CEACAM8: variants seen among roughly 807,000 people sequenced by gnomAD.
CEACAM8 encodes the protein CEA cell adhesion molecule 8.
Under a neutral mutation model 33.4 loss-of-function variants are expected in CEACAM8, and 31 were observed. That is an observed-to-expected ratio of 0.93 (90% CI 0.70 to 1.25). CEACAM8 has a LOEUF of 1.25. Among genes scored for constraint, CEACAM8 ranks in the 50% most tolerant of loss-of-function variants. The pLI is 0.00. For synonymous variants in CEACAM8, 138 were observed against 164.5 expected (o/e 0.84, Z 1.23); for missense variants, 388 against 434.6 (o/e 0.89, Z 0.95).
chr19:42,584,447 G>A (rs903257683), intron 4 of CEACAM8, among the ~76,000 whole-genome samples: 1 of 152,206 alleles, frequency 6.6e-6, no homozygotes, highest in Non-Finnish European at 1.5e-5. Flanking sequence ...GAGGCTTAGA[G>A]TGGTGAAAAA....
intron 4 of CEACAM8, among the ~76,000 whole-genome samples, chr19:42,586,110 A>G (rs1418211302): frequency 6.6e-6 from 1 of 152,210 alleles, no homozygotes; most frequent in Non-Finnish European, 1.5e-5. Flanking sequence ...AAAAATGGGA[A>G]GACATTTTGT....
chr19:42,594,023 C>A, intron 1 of CEACAM8, 123 bp from the exon 2 acceptor site: 1 of 1,022,978 alleles, frequency 9.8e-7, no homozygotes, highest in South Asian at 1.6e-5. Context: ...CCTACTGAGT[C>A]AATGTCAGCA....
At position 42,580,736 on chromosome 19, in the gene CEACAM8, TAAAG is replaced by T. The variant is rs1249292269; in HGVS notation, c.*654_*657del. 6.6e-6 allele frequency: 1 copy of T among 152,156 alleles called. No individual in the cohort carries two copies. The highest frequency in any genetic ancestry group is 1.5e-5 in the Non-Finnish European group (1 of 68,010). The allele number at this position is 152,156 out of a possible 1,614,324, so 9.4% of individuals were successfully genotyped here. A position where few individuals can be genotyped will look rare whatever the true frequency, so the allele number is the denominator to read the frequency against. On this transcript the variant is annotated 3_prime_UTR_variant, in exon 6 of 6. Coordinates refer to ENST00000244336, the MANE Select transcript of CEACAM8 (RefSeq NM_001816.4). The stretch of plus-strand genomic sequence containing the variant: ...AGTAAGGTATAGATAGCTTAAAAGA[TAAAG>T]AAATTCATAAATCTGAAAAAGAAAA...
intron 1 of CEACAM8, among the ~76,000 whole-genome samples, chr19:42,594,425 G>A (rs1600308394): frequency 6.6e-6 from 1 of 152,288 alleles, no homozygotes; most frequent in East Asian, 1.9e-4. Context: ...AGGCTTATTT[G>A]CCAATGTCTG....
At chr19:42,583,441 T>G in intron 4 of CEACAM8, 104 bp from the exon 5 acceptor site, 1 of 733,806 alleles carries the variant, frequency 1.4e-6, no homozygotes, top group Non-Finnish European at 2.4e-6. Context: ...ACTTGTTTTT[T>G]CAAGGAATAC....
rs763749190 is a variant in CEACAM8, at chr19:42,589,618, T to A, written c.542A>T (p.Asn181Ile). The change falls in exon 3 of 6, where the codon AAT becomes ATT. Residue 181 changes from asparagine (N) to isoleucine (I), a missense_variant. By Grantham distance (149) the Asn-to-Ile change is moderately radical (BLOSUM62 -3). Transcript: ENST00000244336. ...GGGACTGACCGGGAGACTCTGACCA[T>A]TTACCCACCACAGGTAGGTTGTGTT... ...TQNTTYLWWV[N>I]GQSLPVSPRL... The A allele has an allele frequency of 3.8e-5, 62 of 1,614,060 alleles. No individual in the cohort carries two copies. Among genetic ancestry groups the A allele is most frequent in the Non-Finnish European group, 5.2e-5 (61 of 1,180,044 alleles).
rs1836004024 is a variant in CEACAM8, at chr19:42,589,011, G to C, written c.731C>G (p.Pro244Arg). Residue 244 changes from proline (P) to arginine (R), a missense_variant, in exon 4 of 6, where the codon CCT becomes CGT. Pro to Arg is a moderately radical substitution (Grantham distance 103). Transcript: ENST00000244336. ...CCCTGCATGGTAATAGGTGTCTGAA[G>C]GGGAAATGGTGGGGGCATCTGGGCC... is the stretch of plus-strand genomic sequence containing the variant. ...LYGPDAPTIS[P>R]SDTYYHAGVN... 6.2e-7 allele frequency: 1 copy of C among 1,613,770 alleles called. No individual in the cohort carries two copies. The highest frequency in any genetic ancestry group is 1.7e-5 in the Admixed American group (1 of 60,006).
At chr19:42,583,870 G>C (rs1249905954) in intron 4 of CEACAM8, among the ~76,000 whole-genome samples, 1 of 152,178 alleles carries the variant, frequency 6.6e-6, no homozygotes, top group Non-Finnish European at 1.5e-5. Context: ...CGCCCCATCA[G>C]CCTTGCCTAA....
intron 2 of CEACAM8, among the ~76,000 whole-genome samples, chr19:42,592,812 G>T (rs1477922590): frequency 1.3e-5 from 2 of 152,160 alleles, no homozygotes; most frequent in African/African-American, 4.8e-5. Context: ...TGCTGGACAA[G>T]TTGCTGTTAG....
At chr19:42,589,173 C>A in intron 3 of CEACAM8, 135 bp from the exon 4 acceptor site, 1 of 1,126,312 alleles carries the variant, frequency 8.9e-7, no homozygotes, top group Non-Finnish European at 1.3e-6. Flanking sequence ...CAACCAAACC[C>A]CCGCTGTTTC....
At chr19:42,592,868 A>G (rs767985455) in intron 2 of CEACAM8, among the ~76,000 whole-genome samples, 1 of 152,142 alleles carries the variant, frequency 6.6e-6, no homozygotes, top group Non-Finnish European at 1.5e-5. Flanking sequence ...TGAACTTTCT[A>G]TGGAGTCTCC....
intron 2 of CEACAM8, among the ~76,000 whole-genome samples, chr19:42,591,004 A>G (rs2042428537): frequency 6.6e-6 from 1 of 152,230 alleles, no homozygotes; most frequent in African/African-American, 2.4e-5. Context: ...TCCCAAATCC[A>G]AAATGCTCCA....
At chr19:42,587,088 A>G (rs1258326071) in intron 4 of CEACAM8, among the ~76,000 whole-genome samples, 3 of 152,188 alleles carry the variant, frequency 2.0e-5, no homozygotes, top group Non-Finnish European at 2.9e-5. Context: ...ACACACACAC[A>G]AACAACAAGT....
intron 4 of CEACAM8, 62 bp from the exon 5 acceptor site, chr19:42,583,399 C>G (rs1181347288): frequency 9.6e-7 from 1 of 1,041,514 alleles, no homozygotes; most frequent in Admixed American, 1.8e-5. Flanking sequence ...TGGGGTACCC[C>G]AGGAACCAGC....
In CEACAM8 at chr19:42,593,833, A is replaced by G. The variant is rs767168524; in HGVS notation, c.132T>C (p.Asn44=). Reference sequence around the variant, plus strand: ...GAAGAACCTCCTTCCCCTCTGCAGCATTGGATGGCACAGCTTCAATAGTGA... The same window carrying G: ...GAAGAACCTCCTTCCCCTCTGCAGCGTTGGATGGCACAGCTTCAATAGTGA... The part of the protein sequence containing the change: ...AQLTIEAVPS[N]AAEGKEVLLL... The change falls in exon 2 of 6, where the codon AAT becomes AAC. Residue 44 remains asparagine, a synonymous_variant. Transcript: ENST00000244336. The G allele has an allele frequency of 6.2e-7, 1 of 1,613,824 alleles. No homozygotes were observed. Among genetic ancestry groups the G allele is most frequent in the East Asian group, 2.2e-5 (1 of 44,870 alleles).
At chr19:42,584,443 T>C (rs1374994145) in intron 4 of CEACAM8, among the ~76,000 whole-genome samples, 1 of 152,196 alleles carries the variant, frequency 6.6e-6, no homozygotes, top group Non-Finnish European at 1.5e-5. Flanking sequence ...GACAGAGGCT[T>C]AGAGTGGTGA....
chr19:42,589,165 A>G (rs1413101257), intron 3 of CEACAM8, 127 bp from the exon 4 acceptor site: 3 of 1,183,434 alleles, frequency 2.5e-6, no homozygotes, highest in Admixed American at 2.3e-5. Context: ...ACCAACCCCA[A>G]CCAAACCCCC....
chr19:42,584,203 T>TACACAC lies in CEACAM8; in HGVS notation c.959-872_959-867dup, dbSNP rs568291319. On this transcript the variant is annotated intron_variant, in intron 4 of 5. Coordinates refer to ENST00000244336, the MANE Select transcript of CEACAM8 (RefSeq NM_001816.4). ...GTGTGTATTTACCTAAGATACCTTT[T>TACACAC]ACACACACACACACACACACACACA... Among the ~76,000 whole-genome samples, 614 of 149,126 alleles carry TACACAC rather than the reference T, an allele frequency of 4.1e-3. 1 individual carries two copies. The highest frequency in any genetic ancestry group is 0.014 in the African/African-American group (579 of 40,434).
intron 2 of CEACAM8, among the ~76,000 whole-genome samples, chr19:42,592,676 G>C (rs767137765): frequency 3.3e-5 from 5 of 151,560 alleles, no homozygotes; most frequent in Non-Finnish European, 7.4e-5. Flanking sequence ...TTTCTGCCAG[G>C]TTTTCTATGA....
Sources: gnomAD v4.1 joint callset for allele counts (sites outside exome capture counted in the v4.1 genomes callset) on GRCh38, gnomAD v4.1.1 for gene constraint, MANE v1.5 for transcripts, NCBI Gene and HGNC (gene_info 2026-07-23, HGNC 2026-07-21) for gene names.